The following MBTD1 variants were observed in gnomAD, a reference collection of about 807,000 sequenced individuals.
The protein encoded by MBTD1 is MBT domain-containing protein 1.
Under a neutral mutation model 87.8 loss-of-function variants are expected in MBTD1, and 24 were observed. The ratio of observed to expected loss-of-function variants is 0.27; its 90% CI spans 0.20 to 0.38. The LOEUF is 0.38. Among genes scored for constraint, MBTD1 ranks in the 10% least tolerant of loss-of-function variants. The pLI is 1.00. For synonymous variants in MBTD1, 237 were observed against 248.6 expected, an observed-to-expected ratio of 0.95 and a Z score of 0.44; for missense variants, 436 against 760.2, an observed-to-expected ratio of 0.57 and a Z score of 5.02.
intron 1 of MBTD1, among the ~76,000 whole-genome samples, chr17:51,259,604 G>GA (rs1568255806): frequency 6.6e-6 from 1 of 151,648 alleles, no homozygotes; most frequent in Non-Finnish European, 1.5e-5. Flanking sequence ...CCAAAGGGTG[G>GA]AGGAGATGGA....
At chr17:51,224,540 CT>C (rs1213100656) in intron 3 of MBTD1, among the ~76,000 whole-genome samples, 6 of 152,134 alleles carry the variant, frequency 3.9e-5, no homozygotes, top group Non-Finnish European at 7.3e-5. Flanking sequence ...AATGAAACTG[CT>C]TCCTTTTTCA....
chr17:51,202,716 G>A lies in MBTD1; in HGVS notation c.1048C>T (p.Arg350Ter). The part of the protein sequence containing the change: ...HIGWSRSIGH[R>*]FKRSDITKKQ... ...AGGTGCTTACCAGATCTTTTGAATCGATGACCTATGCTTCGAGACCAACCA... is the reference window on the plus strand; with the variant it reads ...AGGTGCTTACCAGATCTTTTGAATCAATGACCTATGCTTCGAGACCAACCA... The change falls in exon 10 of 17, where the codon CGA becomes TGA. Residue 350 changes from arginine (R) to a stop codon, truncating the protein, a stop_gained. Coordinates refer to ENST00000586178, the MANE Select transcript of MBTD1 (RefSeq NM_017643.3). LOFTEE classifies it high-confidence loss of function. 6.2e-7 allele frequency: 1 copy of A among 1,613,558 alleles called. No individual in the cohort carries two copies.
intron 12 of MBTD1, among the ~76,000 whole-genome samples, chr17:51,200,741 G>C (rs1012752736): frequency 3.3e-5 from 5 of 151,646 alleles, no homozygotes; most frequent in African/African-American, 9.7e-5. Context: ...GCATGCACCT[G>C]TAATCCCAGC....
chr17:51,256,632 T>C (rs2055105276), intron 2 of MBTD1: 1 of 152,184 alleles, frequency 6.6e-6, no homozygotes, highest in South Asian at 2.1e-4. Context: ...GACATTTGGC[T>C]ACTTAAATTT....
chr17:51,260,213 G>A (rs999244444), upstream of MBTD1: 12 of 409,854 alleles, frequency 2.9e-5, no homozygotes, highest in Non-Finnish European at 4.3e-5. Context: ...TGGGGCTTGT[G>A]TCAAGTCAAG....
Position 51,206,991 on chromosome 17 carries a change from G to A in MBTD1, c.501C>T (p.Thr167=). Residue 167 remains threonine, a synonymous_variant, in exon 7 of 17, where the codon ACC becomes ACT. Coordinates refer to ENST00000586178, the MANE Select transcript of MBTD1 (RefSeq NM_017643.3). Reference sequence around the variant, plus strand: ...CATTTTCTGAGATATCACCCCAGCAGGTCCCCATAGGTGCCTGTCACATAA... The same window carrying A: ...CATTTTCTGAGATATCACCCCAGCAAGTCCCCATAGGTGCCTGTCACATAA... ...VTCFKHAPMG[T]CWGDISENVR... The A allele has an allele frequency of 6.3e-7, 1 of 1,596,678 alleles. No individual in the cohort carries two copies. The highest frequency in any genetic ancestry group is 8.6e-7 in the Non-Finnish European group (1 of 1,164,448).
intron 3 of MBTD1, among the ~76,000 whole-genome samples, chr17:51,221,315 C>T (rs2052876216): frequency 6.6e-6 from 1 of 151,986 alleles, no homozygotes; most frequent in African/African-American, 2.4e-5. Flanking sequence ...AAAAACAAAA[C>T]AAAACAAACA....
Position 51,180,294 on chromosome 17 carries a change from CTTG to C in MBTD1, c.*279_*281del, listed in dbSNP as rs1287781511. ...TACCAAAAAAGTTAGAATTTCAGTT[CTTG>C]TTAACAATGCACATAAATCCAAACT... On this transcript the variant is annotated 3_prime_UTR_variant, in exon 17 of 17. Transcript: ENST00000586178. 3.8e-5 allele frequency: 11 copies of C among 287,912 alleles called. No individual in the cohort carries two copies. The highest frequency in any genetic ancestry group is 7.0e-5 in the Non-Finnish European group (11 of 156,196). 17.8% of individuals were successfully genotyped at this position (287,912 alleles called of 1,614,324 possible).
intron 13 of MBTD1, among the ~76,000 whole-genome samples, chr17:51,194,599 A>C (rs1289766852): frequency 7.5e-6 from 1 of 132,842 alleles, no homozygotes; most frequent in Non-Finnish European, 1.6e-5. Context: ...AAAAGTCCAC[A>C]TGGCTAAGTG....
At chr17:51,200,529 C>T (rs2051400645) in intron 12 of MBTD1, among the ~76,000 whole-genome samples, 2 of 132,016 alleles carry the variant, frequency 1.5e-5, no homozygotes, top group African/African-American at 5.9e-5. Flanking sequence ...CATTGCACTA[C>T]AGCCTGGGTG....
At chr17:51,209,502 A>T in intron 6 of MBTD1, 1 of 470,892 alleles carries the variant, frequency 2.1e-6, no homozygotes, top group South Asian at 1.5e-5. Flanking sequence ...CCCAACACAA[A>T]TGTATGACAA....
At chr17:51,192,477 C>G in intron 15 of MBTD1, 197 bp from the exon 16 acceptor site, 1 of 625,728 alleles carries the variant, frequency 1.6e-6, no homozygotes, top group Non-Finnish European at 2.7e-6. Flanking sequence ...TACTCAAAAG[C>G]ATTTATTACC....
intron 6 of MBTD1, among the ~76,000 whole-genome samples, chr17:51,215,602 A>T (rs983604720): frequency 2.0e-5 from 3 of 152,208 alleles, no homozygotes; most frequent in Non-Finnish European, 1.5e-5. Context: ...AAGAGAAGAG[A>T]GTTAAAGATT....
At chr17:51,227,626 T>C (rs1270608475) in intron 2 of MBTD1, among the ~76,000 whole-genome samples, 2 of 152,072 alleles carry the variant, frequency 1.3e-5, no homozygotes, top group East Asian at 3.9e-4. Flanking sequence ...AAAAAATCAC[T>C]GCTAAAAGCT....
intron 2 of MBTD1, among the ~76,000 whole-genome samples, chr17:51,244,721 T>C (rs916101036): frequency 6.6e-6 from 1 of 150,702 alleles, no homozygotes; most frequent in East Asian, 1.9e-4. Context: ...TGTGTCCTTT[T>C]GACATACTTC....
intron 16 of MBTD1, 143 bp downstream of exon 16, chr17:51,192,060 T>G (rs2050843442): frequency 1.5e-6 from 1 of 671,386 alleles, no homozygotes; most frequent in Non-Finnish European, 2.6e-6. Context: ...GGTTTGCCTT[T>G]TATGGCATAC....
At chr17:51,202,673 G>C in intron 10 of MBTD1, 28 bp downstream of exon 10, 1 of 1,525,110 alleles carries the variant, frequency 6.6e-7, no homozygotes, top group Non-Finnish European at 9.1e-7. Flanking sequence ...TGATGCTTTT[G>C]ACAGGAGTTC....
At chr17:51,196,140 G>A (rs2051088222) in intron 12 of MBTD1, among the ~76,000 whole-genome samples, 1 of 152,006 alleles carries the variant, frequency 6.6e-6, no homozygotes, top group South Asian at 2.1e-4. Context: ...TCAAACTCCT[G>A]GGCTCAAGTG....
chr17:51,185,294 A>ATC (rs2050485339), intron 16 of MBTD1: 1 of 152,256 alleles, frequency 6.6e-6, no homozygotes, highest in African/African-American at 2.4e-5. Context: ...TTGAAGCTGT[A>ATC]TGATCTGATC....
Sources: gnomAD v4.1 joint callset for allele counts (sites outside exome capture counted in the v4.1 genomes callset) on GRCh38, gnomAD v4.1.1 for gene constraint, MANE v1.5 for transcripts, NCBI Gene and HGNC (gene_info 2026-07-23, HGNC 2026-07-21) for gene names.